Variants in STUM observed in about 807,000 individuals in gnomAD.
The protein encoded by STUM is stum, mechanosensory transduction mediator homolog.
STUM carries 8 observed loss-of-function variants against 15.3 expected under a neutral mutation model. That is an observed-to-expected ratio of 0.52 (90% CI 0.31 to 0.94). The LOEUF is 0.94. Ranked by LOEUF, STUM falls within the 40% of genes least tolerant of loss-of-function variation. The pLI, the probability that STUM is intolerant of heterozygous loss-of-function variation, is 0.05. For missense variants in STUM, 142 were observed against 204.9 expected (o/e 0.69, Z 1.87); for synonymous variants, 78 against 88.7 (o/e 0.88, Z 0.68).
In STUM at chr1:226,571,172, A is replaced by G. The variant is rs182513959; in HGVS notation, c.202+22066A>G. Among the ~76,000 whole-genome samples the G allele has an allele frequency of 3.2e-3, 485 of 152,290 alleles. 20 individuals are homozygous for G. The highest frequency in any genetic ancestry group is 0.029 in the Admixed American group (451 of 15,294). ...CTTGAACCCGGGAGACGGAGGTTGC[A>G]GTGAGCCGAGATCACATCACCGTCC... On this transcript the variant is annotated intron_variant, in intron 1 of 3. Coordinates refer to ENST00000366788, the MANE Select transcript of STUM (RefSeq NM_001003665.4).
rs143950528 is a variant in STUM at position 226,555,460 on chromosome 1, C to T, written c.202+6354C>T. ...CCTCTTTCCCCATCTCAGCAAATGG[C>T]GACCTCCCAGTGGCTCAGGCCAAAA... On this transcript the variant is annotated intron_variant, in intron 1 of 3. Transcript: ENST00000366788. Among the ~76,000 whole-genome samples the T allele has an allele frequency of 2.4e-3, 366 of 152,184 alleles. 3 individuals are homozygous for T. Among genetic ancestry groups the T allele is most frequent in the Admixed American group, 6.1e-3 (93 of 15,274 alleles).
chr1:226,559,192 C>T (rs1355901103), intron 1 of STUM, among the ~76,000 whole-genome samples: 3 of 152,202 alleles, frequency 2.0e-5, no homozygotes, highest in Non-Finnish European at 4.4e-5. Flanking sequence ...AGCACTCAGT[C>T]CAGCTCTGGT....
In STUM at chr1:226,549,380, G is replaced by T. The variant is rs375196289; in HGVS notation, c.202+274G>T. Among the ~76,000 whole-genome samples the T allele has an allele frequency of 2.0e-5, 3 of 152,228 alleles. No homozygotes were observed. The South Asian group carries it at 6.2e-4, about 31-fold the overall frequency. On this transcript the variant is annotated intron_variant, in intron 1 of 3. Coordinates refer to ENST00000366788, the MANE Select transcript of STUM (RefSeq NM_001003665.4). The surrounding 1 kb of genome is among the most constrained non-coding windows in gnomAD (Gnocchi z 6.8). ...GGCCAATGTTGGAGCCCGCAGCGGCGGCCGGAATGGCTCTGCCGGCTTCGG... is the reference window on the plus strand; with the variant it reads ...GGCCAATGTTGGAGCCCGCAGCGGCTGCCGGAATGGCTCTGCCGGCTTCGG...
intron 1 of STUM, among the ~76,000 whole-genome samples, chr1:226,559,189 A>C (rs566672040): frequency 6.6e-6 from 1 of 152,374 alleles, no homozygotes; most frequent in East Asian, 1.9e-4. Flanking sequence ...CAGAGCACTC[A>C]GTCCAGCTCT....
chr1:226,579,628 C>CTTTTTTTTTTTTTTTTTT (rs772749044), intron 1 of STUM, among the ~76,000 whole-genome samples: 1 of 132,214 alleles, frequency 7.6e-6, no homozygotes. Context: ...GGCCTTATTT[C>CTTTTTTTTTTTTTTTTTT]TTTTTCTTTT....
At chr1:226,585,595 C>T (rs541836309) in intron 1 of STUM, among the ~76,000 whole-genome samples, 3 of 152,284 alleles carry the variant, frequency 2.0e-5, no homozygotes, top group African/African-American at 7.2e-5. Context: ...GATGCCAGAG[C>T]TCACCTTTGT....
intron 1 of STUM, among the ~76,000 whole-genome samples, chr1:226,592,886 C>T (rs545330778): frequency 2.0e-5 from 3 of 152,310 alleles, no homozygotes; most frequent in South Asian, 4.1e-4. Context: ...ATCTCAGACA[C>T]TTTAAATCCA....
At chr1:226,554,585 A>G (rs1382478323) in intron 1 of STUM, among the ~76,000 whole-genome samples, 1 of 152,338 alleles carries the variant, frequency 6.6e-6, no homozygotes, top group East Asian at 1.9e-4. Flanking sequence ...TGTGTGTATT[A>G]CAGCAGAAAG....
chr1:226,583,510 C>T (rs1032705688), intron 1 of STUM, among the ~76,000 whole-genome samples: 1 of 152,198 alleles, frequency 6.6e-6, no homozygotes, highest in Non-Finnish European at 1.5e-5. Context: ...GACAAGCAAG[C>T]ACACATGTCT....
At chr1:226,594,230 A>G (rs1668135597) in intron 1 of STUM, among the ~76,000 whole-genome samples, 2 of 152,152 alleles carry the variant, frequency 1.3e-5, no homozygotes, top group South Asian at 4.1e-4. Flanking sequence ...TGGGCAGGGA[A>G]GGGCCAGAAA....
chr1:226,551,158 G>A (rs1223809266), intron 1 of STUM, among the ~76,000 whole-genome samples: 5 of 152,048 alleles, frequency 3.3e-5, no homozygotes, highest in African/African-American at 7.3e-5. Context: ...ACGGAATGAG[G>A]GATTCCTGAT....
intron 1 of STUM, among the ~76,000 whole-genome samples, chr1:226,586,338 G>A (rs1571808520): frequency 6.6e-6 from 1 of 152,272 alleles, no homozygotes; most frequent in South Asian, 2.1e-4. Flanking sequence ...GCTGCCGAAC[G>A]CTTGGGGCAG....
At position 226,608,457 on chromosome 1, in the gene STUM, T is replaced by A. The variant is rs1668396896; in HGVS notation, c.*6417T>A. On this transcript the variant is annotated 3_prime_UTR_variant, in exon 4 of 4. Coordinates refer to ENST00000366788, the MANE Select transcript of STUM (RefSeq NM_001003665.4). This position sits in a 1 kb window ranked among gnomAD's most constrained non-coding sequence, Gnocchi z 4.0. ...GGTGCCATTTTTTTTTTAAACAACA[T>A]ATATAAAAACAAAACAACTGGTTCT... 6.6e-6 allele frequency: 1 copy of A among 152,022 alleles called. No homozygotes were observed. Among genetic ancestry groups the A allele is most frequent in the Non-Finnish European group, 1.5e-5 (1 of 67,994 alleles). The allele number at this position is 152,022 out of a possible 1,614,324, so 9.4% of individuals were successfully genotyped here.
At chr1:226,550,695 G>A (rs1667361100) in intron 1 of STUM, among the ~76,000 whole-genome samples, 2 of 151,874 alleles carry the variant, frequency 1.3e-5, no homozygotes, top group African/African-American at 4.8e-5. Flanking sequence ...CCAAGTCACT[G>A]CTGCACGAGG....
At chr1:226,559,409 T>C (rs951579133) in intron 1 of STUM, among the ~76,000 whole-genome samples, 1 of 152,194 alleles carries the variant, frequency 6.6e-6, no homozygotes, top group African/African-American at 2.4e-5. Context: ...AATTTCACCA[T>C]CAGTTACCCT....
rs571411496 is a variant in STUM at position 226,586,582 on chromosome 1, C to A, written c.203-10220C>A. ...GTTCTCAGTTGCTGCAGCATCCCCA[C>A]AAGAGCTCCTTTTGGGTCTCATCAT... On this transcript the variant is annotated intron_variant, in intron 1 of 3. Coordinates refer to ENST00000366788, the MANE Select transcript of STUM (RefSeq NM_001003665.4). Among the ~76,000 whole-genome samples, 205 of 152,296 alleles carry A rather than the reference C, an allele frequency of 1.3e-3. 2 individuals carry two copies. Among genetic ancestry groups the A allele is most frequent in the Non-Finnish European group, 5.6e-4 (38 of 68,010 alleles).
At chr1:226,568,667 C>A (rs781775261) in intron 1 of STUM, among the ~76,000 whole-genome samples, 7 of 152,370 alleles carry the variant, frequency 4.6e-5, no homozygotes, top group Non-Finnish European at 1.0e-4. Flanking sequence ...CCTGCTGCCC[C>A]CTCTGGCAGC....
intron 1 of STUM, among the ~76,000 whole-genome samples, chr1:226,556,938 G>A (rs1308452816): frequency 6.6e-6 from 1 of 152,190 alleles, no homozygotes. Flanking sequence ...CATCAAGCTA[G>A]TTAATGTATC....
chr1:226,563,781 G>T (rs1053919490), intron 1 of STUM, among the ~76,000 whole-genome samples: 1 of 152,268 alleles, frequency 6.6e-6, no homozygotes, highest in Non-Finnish European at 1.5e-5. Flanking sequence ...GAGGGCATGA[G>T]AGAACTGCCC....
Sources: allele counts gnomAD v4.1 joint callset (sites outside exome capture counted in the v4.1 genomes callset), GRCh38; gene constraint gnomAD v4.1.1; non-coding constraint Gnocchi (gnomAD v3.1); transcripts MANE v1.5; gene names NCBI Gene and HGNC (gene_info 2026-07-23, HGNC 2026-07-21).